VANGL1: variants seen among roughly 807,000 people sequenced by gnomAD.
The protein encoded by VANGL1 is VANGL planar cell polarity protein 1.
VANGL1 carries 18 observed loss-of-function variants against 48.4 expected under a neutral mutation model. The observed-to-expected ratio is 0.37, with a 90% CI of 0.26 to 0.55. The LOEUF (loss-of-function observed/expected upper bound fraction) is 0.55, where lower values mean the gene tolerates loss of function less well. VANGL1 is among the 20% of genes least tolerant of loss of function. VANGL1 has a pLI of 0.81. For synonymous variants in VANGL1, 257 were observed against 261.8 expected (o/e 0.98, Z 0.18); for missense variants, 667 against 675.8 (o/e 0.99, Z 0.14).
intron 6 of VANGL1, among the ~76,000 whole-genome samples, 186 bp from the exon 7 acceptor site, chr1:115,685,107 G>A (rs1021919203): frequency 6.6e-6 from 1 of 152,126 alleles, no homozygotes; most frequent in Non-Finnish European, 1.5e-5. Flanking sequence ...TGTTATTTTT[G>A]CTGTTGCCTT....
intron 4 of VANGL1, among the ~76,000 whole-genome samples, chr1:115,677,138 G>A (rs996177649): frequency 6.6e-6 from 1 of 152,160 alleles, no homozygotes; most frequent in African/African-American, 2.4e-5. Flanking sequence ...GCATTAATTT[G>A]GTTTGTATTT....
At chr1:115,676,192 T>C (rs1338313029) in intron 4 of VANGL1, among the ~76,000 whole-genome samples, 2 of 152,202 alleles carry the variant, frequency 1.3e-5, no homozygotes, top group African/African-American at 4.8e-5. Flanking sequence ...AAATGACTTA[T>C]ACAGGATTAC....
At position 115,688,033 on chromosome 1, in the gene VANGL1, G is replaced by C. The variant is rs955118798; in HGVS notation, c.1314+2506G>C. ...AGATAGATACATAGATATATACATA[G>C]ATAGATAGATAGCCTATATATTATC... On this transcript the variant is annotated intron_variant, in intron 7 of 7. Transcript: ENST00000355485. 3.8e-5 allele frequency among the ~76,000 whole-genome samples: 5 copies of C among 130,068 alleles called. 1 individual carries two copies. The highest frequency in any genetic ancestry group is 6.7e-5 in the Non-Finnish European group (4 of 59,316). The allele number at this position is 130,068 out of a possible 152,430, so 85.3% of individuals were successfully genotyped here.
At chr1:115,662,398 C>T (rs1479496753) in intron 3 of VANGL1, among the ~76,000 whole-genome samples, 1 of 152,158 alleles carries the variant, frequency 6.6e-6, no homozygotes, top group Non-Finnish European at 1.5e-5. Flanking sequence ...ATTTCAGAGG[C>T]AGAAACCTCT....
chr1:115,660,038 G>A (rs1013936679), intron 3 of VANGL1, among the ~76,000 whole-genome samples: 2 of 152,100 alleles, frequency 1.3e-5, no homozygotes, highest in Non-Finnish European at 2.9e-5. Context: ...GGTTGGGAAG[G>A]GAAAAGCTGA....
chr1:115,674,346 A>G (rs1044134577), intron 4 of VANGL1, among the ~76,000 whole-genome samples: 1 of 152,210 alleles, frequency 6.6e-6, no homozygotes, highest in African/African-American at 2.4e-5. Context: ...TAATTGGAGC[A>G]TAAGCCCCTT....
intron 4 of VANGL1, chr1:115,671,085 G>A (rs1652957250): frequency 6.6e-6 from 1 of 152,340 alleles, no homozygotes; most frequent in African/African-American, 2.4e-5. Flanking sequence ...TCCCTCGCAC[G>A]GCGTCTGCCC....
chr1:115,676,016 T>C (rs764325890), intron 4 of VANGL1, among the ~76,000 whole-genome samples: 10 of 152,218 alleles, frequency 6.6e-5, no homozygotes, highest in Non-Finnish European at 1.5e-4. Flanking sequence ...CGCTGCAAAA[T>C]GTTCATGCTT....
At chr1:115,664,384 T>C in intron 4 of VANGL1, 116 bp downstream of exon 4, 1 of 1,459,256 alleles carries the variant, frequency 6.9e-7, no homozygotes, top group Non-Finnish European at 9.1e-7. Flanking sequence ...AGAGTCTGAC[T>C]CTTTTCTGGT....
chr1:115,646,614 A>T (rs971583700), intron 1 of VANGL1, among the ~76,000 whole-genome samples: 1 of 151,534 alleles, frequency 6.6e-6, no homozygotes, highest in South Asian at 2.1e-4. Context: ...TTCTTCCACA[A>T]TGAATCTATG....
chr1:115,652,791 C>T (rs1038310155), intron 2 of VANGL1, among the ~76,000 whole-genome samples: 6 of 152,158 alleles, frequency 3.9e-5, no homozygotes, highest in African/African-American at 1.2e-4. Flanking sequence ...GGATTACTAA[C>T]GTAGAAAGAG....
rs75064936 is a variant in VANGL1, at chr1:115,696,646, G to T, written c.*5267G>T. 2 of 152,178 alleles carry T rather than the reference G, an allele frequency of 1.3e-5. No homozygotes were observed. The highest frequency in any genetic ancestry group is 2.4e-5 in the African/African-American group (1 of 41,430). 9.4% of individuals were successfully genotyped at this position (152,178 alleles called of 1,614,324 possible). On this transcript the variant is annotated 3_prime_UTR_variant, in exon 8 of 8. Transcript: ENST00000355485. ...TAAATTTCAGGGCTCTATAAGTCCCGTTTTCCCAGGTCCTGTTCCGTTTCT... is the reference window on the plus strand; with the variant it reads ...TAAATTTCAGGGCTCTATAAGTCCCTTTTTCCCAGGTCCTGTTCCGTTTCT...
chr1:115,689,188 T>G lies in VANGL1; in HGVS notation c.1315-1931T>G, dbSNP rs1275064287. Among the ~76,000 whole-genome samples the G allele has an allele frequency of 1.4e-5, 2 of 138,456 alleles. 1 individual carries two copies. The highest frequency in any genetic ancestry group is 4.0e-4 in the East Asian group (2 of 4,970). 90.8% of individuals were successfully genotyped at this position (138,456 alleles called of 152,430 possible). A position where few individuals can be genotyped will look rare whatever the true frequency, so the allele number is the denominator to read the frequency against. ...AATTATTGTTTTAGTTTCATTTCTC[T>G]AATTGTTATTTTCTTTTTCTTATGA... On this transcript the variant is annotated intron_variant, in intron 7 of 7. Coordinates refer to ENST00000355485, the MANE Select transcript of VANGL1 (RefSeq NM_138959.3).
intron 2 of VANGL1, among the ~76,000 whole-genome samples, chr1:115,656,369 C>T (rs1281718196): frequency 6.6e-6 from 1 of 152,204 alleles, no homozygotes; most frequent in Non-Finnish European, 1.5e-5. Context: ...CTCCTAGGAG[C>T]ATTTGGGGAA....
chr1:115,649,287 A>G (rs1408758407), intron 1 of VANGL1, among the ~76,000 whole-genome samples: 2 of 151,944 alleles, frequency 1.3e-5, no homozygotes, highest in Admixed American at 6.6e-5. Context: ...CTTTACAGCT[A>G]CCTCCCCCCA....
intron 4 of VANGL1, among the ~76,000 whole-genome samples, chr1:115,681,960 C>A (rs547092321): frequency 5.9e-5 from 9 of 152,386 alleles, no homozygotes; most frequent in Non-Finnish European, 1.2e-4. Context: ...ATACTTTGTT[C>A]TTTCACTCAT....
chr1:115,649,241 C>T (rs1198992520), intron 1 of VANGL1, among the ~76,000 whole-genome samples: 1 of 152,142 alleles, frequency 6.6e-6, no homozygotes, highest in South Asian at 2.1e-4. Context: ...CAAAACTTAG[C>T]ATTTAAAAAA....
At chr1:115,672,431 A>G (rs77359289) in intron 4 of VANGL1, among the ~76,000 whole-genome samples, 1,626 of 152,270 alleles carry the variant, frequency 0.011, 27 homozygotes, top group African/African-American at 0.037. Context: ...GAGTGAATCC[A>G]GGTGGCCCGA....
intron 4 of VANGL1, among the ~76,000 whole-genome samples, chr1:115,679,398 G>A (rs1653287662): frequency 6.6e-6 from 1 of 152,234 alleles, no homozygotes; most frequent in Non-Finnish European, 1.5e-5. Context: ...CCCACCCTGG[G>A]CACTTCCTGG....
Sources: allele counts gnomAD v4.1 joint callset (sites outside exome capture counted in the v4.1 genomes callset), GRCh38; gene constraint gnomAD v4.1.1; transcripts MANE v1.5; gene names NCBI Gene and HGNC (gene_info 2026-07-23, HGNC 2026-07-21).